Variants in KLF8 observed in about 807,000 individuals in gnomAD.
The protein encoded by KLF8 is KLF transcription factor 8, also known as Krueppel-like factor 8.
A neutral mutation model predicts 18.2 loss-of-function variants in KLF8; 10 were observed. The observed-to-expected ratio is 0.55, with a 90% CI of 0.34 to 0.93. KLF8 has a LOEUF of 0.93. Among genes scored for constraint, KLF8 ranks in the 40% least tolerant of loss-of-function variants. KLF8 has a pLI of 0.02. For missense variants in KLF8, 264 were observed against 277.9 expected, an observed-to-expected ratio of 0.95 and a Z score of 0.36; for synonymous variants, 109 against 97.3, an observed-to-expected ratio of 1.12 and a Z score of -0.71.
the KLF8 span, among the ~76,000 whole-genome samples, chrX:56,001,101 G>A: frequency 8.9e-6 from 1 of 112,099 alleles, no homozygotes; most frequent in South Asian, 3.7e-4. Flanking sequence ...ATGCTGCAGT[G>A]GGCACTGATG....
the KLF8 span, among the ~76,000 whole-genome samples, chrX:56,164,729 C>CTTTTTTTTTTTTTTTTAACTTTTT: frequency 1.9e-5 from 1 of 51,922 alleles, no homozygotes; most frequent in African/African-American, 8.6e-5. Context: ...CTTGTTATCT[C>CTTTTTTTTTTTTTTTTAACTTTTT]TTTTTTTTTT....
At chrX:56,123,651 G>A in the KLF8 span, among the ~76,000 whole-genome samples, 1 of 112,066 alleles carries the variant, frequency 8.9e-6, no homozygotes. Context: ...TTTTACAAAA[G>A]TGGCATCCAA....
the KLF8 span, among the ~76,000 whole-genome samples, chrX:55,925,925 G>C: frequency 9.0e-6 from 1 of 111,719 alleles, no homozygotes; most frequent in East Asian, 2.8e-4. Flanking sequence ...GAGATATTTT[G>C]GTACAGACAT....
At chrX:55,961,893 GA>G in the KLF8 span, 1 of 212,714 alleles carries the variant, frequency 4.7e-6, no homozygotes, top group East Asian at 1.2e-4. Flanking sequence ...CAGTGGTGAA[GA>G]AAAATAATCT....
the KLF8 span, among the ~76,000 whole-genome samples, chrX:56,110,398 C>T: frequency 2.7e-5 from 3 of 111,495 alleles, no homozygotes; most frequent in Non-Finnish European, 5.6e-5. Context: ...ATAGTTGGGT[C>T]GTTCATTTTG....
At chrX:55,909,804 G>A in the KLF8 span, among the ~76,000 whole-genome samples, 1 of 112,305 alleles carries the variant, frequency 8.9e-6, no homozygotes, top group African/African-American at 3.2e-5. Flanking sequence ...CCACTTTGGC[G>A]TTATCCATGT....
At chrX:56,184,647 C>G in the KLF8 span, among the ~76,000 whole-genome samples, 1 of 111,717 alleles carries the variant, frequency 9.0e-6, no homozygotes, top group African/African-American at 3.3e-5. Context: ...ACTGACACCT[C>G]ACACGGCCGG....
the KLF8 span, among the ~76,000 whole-genome samples, chrX:55,924,116 C>T: frequency 3.6e-5 from 4 of 111,819 alleles, no homozygotes; most frequent in Non-Finnish European, 5.6e-5. Context: ...GTCGCCCAGG[C>T]TGGAGTGCAG....
At chrX:55,958,337 G>T in the KLF8 span, among the ~76,000 whole-genome samples, 10 of 111,994 alleles carry the variant, frequency 8.9e-5, no homozygotes, top group Admixed American at 7.6e-4. Flanking sequence ...TATAAACTGG[G>T]TTGGGCAGTG....
the KLF8 span, among the ~76,000 whole-genome samples, chrX:56,085,772 A>C: frequency 8.9e-5 from 10 of 112,393 alleles, no homozygotes; most frequent in Admixed American, 1.9e-4. Context: ...GGACTTTATT[A>C]CTTGGAAAGT....
the KLF8 span, among the ~76,000 whole-genome samples, chrX:56,160,282 A>T: frequency 8.9e-6 from 1 of 111,751 alleles, no homozygotes; most frequent in South Asian, 3.7e-4. Flanking sequence ...GTTCTTTTAC[A>T]TTTGCTAAGG....
the KLF8 span, among the ~76,000 whole-genome samples, chrX:56,122,404 G>T: frequency 1.8e-5 from 2 of 111,165 alleles, no homozygotes; most frequent in Non-Finnish European, 3.8e-5. Flanking sequence ...ATAAAAATGG[G>T]AAATAAATGA....
the KLF8 span, among the ~76,000 whole-genome samples, chrX:55,979,085 A>T: frequency 8.2e-5 from 2 of 24,440 alleles, no homozygotes; most frequent in South Asian, 8.6e-3. Flanking sequence ...TGAAGCATAT[A>T]GGGCGAGAGA....
intron 2 of KLF8, among the ~76,000 whole-genome samples, chrX:56,253,764 CTTT>C (rs60291877): frequency 1.7e-5 from 1 of 60,115 alleles, no homozygotes; most frequent in African/African-American, 7.2e-5. Flanking sequence ...TTTTCTTTTT[CTTT>C]TTTTTTTTTT....
chrX:56,137,633 G>A, the KLF8 span, among the ~76,000 whole-genome samples: 1 of 103,261 alleles, frequency 9.7e-6, no homozygotes, highest in Non-Finnish European at 2.0e-5. Flanking sequence ...GGATAGCATT[G>A]GGAGATATAC....
chrX:56,138,995 A>G, the KLF8 span, among the ~76,000 whole-genome samples: 3 of 111,207 alleles, frequency 2.7e-5, no homozygotes, highest in African/African-American at 9.8e-5. Flanking sequence ...TCAGTGTACA[A>G]CAGCATTTCT....
chrX:55,986,917 C>T, the KLF8 span, among the ~76,000 whole-genome samples: 1 of 111,457 alleles, frequency 9.0e-6, no homozygotes, highest in African/African-American at 3.3e-5. Flanking sequence ...ATGATTTTGG[C>T]CTCCAATTCC....
the KLF8 span, among the ~76,000 whole-genome samples, chrX:55,944,779 C>G: frequency 9.0e-6 from 1 of 111,224 alleles, no homozygotes; most frequent in Non-Finnish European, 1.9e-5. Context: ...TTCCAAAAAC[C>G]AGCTCCTGTA....
At chrX:56,005,502 G>T in the KLF8 span, among the ~76,000 whole-genome samples, 1 of 111,858 alleles carries the variant, frequency 8.9e-6, no homozygotes, top group Non-Finnish European at 1.9e-5. Flanking sequence ...CCATGTGCAT[G>T]ATTGCAGCAG....
Sources: allele counts gnomAD v4.1 joint callset (sites outside exome capture counted in the v4.1 genomes callset), GRCh38; gene constraint gnomAD v4.1.1; transcripts MANE v1.5; gene names NCBI Gene and HGNC (gene_info 2026-07-23, HGNC 2026-07-21).